TEK: variants seen among roughly 807,000 people sequenced by gnomAD.
TEK encodes the protein angiopoietin-1 receptor.
Under a neutral mutation model 131.8 loss-of-function variants are expected in TEK, and 43 were observed. The observed-to-expected ratio is 0.33, with a 90% CI of 0.26 to 0.42. The LOEUF (loss-of-function observed/expected upper bound fraction) is 0.42. TEK is among the 10% of genes least tolerant of loss of function. The probability of loss-of-function intolerance (pLI) is 1.00; values close to 1 mark genes in which losing one functional copy is unlikely to be tolerated. For synonymous variants in TEK, 580 were observed against 491.6 expected (o/e 1.18, Z -2.38); for missense variants, 1,162 against 1,384.4 (o/e 0.84, Z 2.55).
intron 2 of TEK, among the ~76,000 whole-genome samples, chr9:27,166,473 T>C (rs1823734410): frequency 6.6e-6 from 1 of 152,232 alleles, no homozygotes; most frequent in African/African-American, 2.4e-5. Context: ...ATTCTGTTGT[T>C]AGATGCATAT....
intron 1 of TEK, among the ~76,000 whole-genome samples, chr9:27,157,040 G>A (rs1350257720): frequency 6.6e-6 from 1 of 152,208 alleles, no homozygotes; most frequent in African/African-American, 2.4e-5. Flanking sequence ...AATAACATGA[G>A]AGGATTTTCT....
intron 20 of TEK, 135 bp downstream of exon 20, chr9:27,218,952 A>T (rs2131243133): frequency 1.1e-6 from 1 of 891,144 alleles, no homozygotes; most frequent in East Asian, 2.6e-5. Context: ...AAATAGAAAC[A>T]TAGTGTATTA....
In TEK at chr9:27,136,808, A is replaced by G. The variant is rs528793002; in HGVS notation, c.53-21023A>G. Among the ~76,000 whole-genome samples the G allele has an allele frequency of 3.9e-5, 6 of 152,028 alleles. 1 individual carries two copies. The South Asian group carries it at 1.2e-3, about 32-fold the overall frequency. On this transcript the variant is annotated intron_variant, in intron 1 of 22. Coordinates refer to ENST00000380036, the MANE Select transcript of TEK (RefSeq NM_000459.5). ...TTTTGTGCCATCCATTGGAATTTCA[A>G]TTTGGATTATATTAAATTTATGAAT...
intron 1 of TEK, among the ~76,000 whole-genome samples, chr9:27,124,533 T>G (rs985336153): frequency 3.3e-5 from 5 of 152,250 alleles, no homozygotes; most frequent in African/African-American, 1.2e-4. Context: ...CCCAAAGTGA[T>G]GTGCCCAAAG....
chr9:27,225,408 C>A (rs1012072661), intron 21 of TEK, among the ~76,000 whole-genome samples: 1 of 152,152 alleles, frequency 6.6e-6, no homozygotes, highest in Non-Finnish European at 1.5e-5. Context: ...ACCAAAGGAA[C>A]AAGACAGAGG....
chr9:27,173,165 T>C (rs977797188), intron 5 of TEK, 57 bp from the exon 6 acceptor site: 9 of 1,603,206 alleles, frequency 5.6e-6, no homozygotes, highest in Non-Finnish European at 7.7e-6. Context: ...TAAAGAATTA[T>C]GTATTTCAAG....
At chr9:27,119,585 G>C (rs1321427900) in intron 1 of TEK, among the ~76,000 whole-genome samples, 1 of 152,142 alleles carries the variant, frequency 6.6e-6, no homozygotes, top group Non-Finnish European at 1.5e-5. Flanking sequence ...GGGTTCTTGG[G>C]CTTCTGCTAA....
chr9:27,135,853 G>A (rs1432710673), intron 1 of TEK, among the ~76,000 whole-genome samples: 1 of 152,116 alleles, frequency 6.6e-6, no homozygotes, highest in Non-Finnish European at 1.5e-5. Context: ...ACATCACCAT[G>A]ATGAAGGTGC....
At chr9:27,131,359 G>A (rs1439529348) in intron 1 of TEK, among the ~76,000 whole-genome samples, 1 of 151,342 alleles carries the variant, frequency 6.6e-6, no homozygotes, top group Non-Finnish European at 1.5e-5. Context: ...TGGTGCTGTA[G>A]TTCCAGCTAC....
intron 8 of TEK, 71 bp from the exon 9 acceptor site, chr9:27,185,414 G>A: frequency 6.4e-7 from 1 of 1,571,384 alleles, no homozygotes; most frequent in East Asian, 2.2e-5. Flanking sequence ...AATGAGATGG[G>A]GTCAATGTTA....
intron 1 of TEK, among the ~76,000 whole-genome samples, chr9:27,113,503 G>A (rs1387161945): frequency 6.6e-6 from 1 of 152,162 alleles, no homozygotes; most frequent in African/African-American, 2.4e-5. Flanking sequence ...CAGGAGGATC[G>A]CTTAAACCCA....
intron 21 of TEK, among the ~76,000 whole-genome samples, chr9:27,222,941 A>G (rs480469): frequency 0.85 from 130,009 of 152,138 alleles, 55,856 homozygotes; most frequent in East Asian, 1. Flanking sequence ...CCAAGCAAAT[A>G]GAAAGCAATA....
intron 12 of TEK, 93 bp from the exon 13 acceptor site, chr9:27,202,727 T>C (rs1825263481): frequency 3.6e-5 from 49 of 1,368,306 alleles, no homozygotes; most frequent in Non-Finnish European, 4.9e-5. Context: ...TTGTTTGCCT[T>C]ATATGAGCTG....
At chr9:27,211,047 G>C (rs530171436) in intron 16 of TEK, among the ~76,000 whole-genome samples, 1 of 151,792 alleles carries the variant, frequency 6.6e-6, no homozygotes, top group East Asian at 1.9e-4. Context: ...GCTTGAACCT[G>C]GGAGGCGGAG....
chr9:27,148,000 C>G (rs113190065), intron 1 of TEK, among the ~76,000 whole-genome samples: 2 of 152,308 alleles, frequency 1.3e-5, no homozygotes, highest in African/African-American at 4.8e-5. Context: ...GTCTCCTTTT[C>G]TGTTAAATGG....
At chr9:27,225,918 GCAAAGGATATGGA>G (rs1826305397) in intron 21 of TEK, among the ~76,000 whole-genome samples, 1 of 152,182 alleles carries the variant, frequency 6.6e-6, no homozygotes, top group African/African-American at 2.4e-5. Flanking sequence ...CAAAAAGTGG[GCAAAGGATATGGA>G]CAGACACTTC....
intron 2 of TEK, among the ~76,000 whole-genome samples, chr9:27,164,093 T>C (rs1823636378): frequency 6.6e-6 from 1 of 152,148 alleles, no homozygotes; most frequent in Non-Finnish European, 1.5e-5. Context: ...ACATAATCTA[T>C]GAAAGCATCC....
At chr9:27,130,193 G>A (rs1314726563) in intron 1 of TEK, among the ~76,000 whole-genome samples, 1 of 152,126 alleles carries the variant, frequency 6.6e-6, no homozygotes, top group East Asian at 1.9e-4. Context: ...TACAGTTCCA[G>A]GAATTTGGAT....
intron 1 of TEK, among the ~76,000 whole-genome samples, chr9:27,149,442 A>T (rs1823045349): frequency 6.6e-6 from 1 of 151,780 alleles, no homozygotes; most frequent in Non-Finnish European, 1.5e-5. Flanking sequence ...TGTGTTTATT[A>T]TGTATTATAT....
Sources: allele counts gnomAD v4.1 joint callset (sites outside exome capture counted in the v4.1 genomes callset), GRCh38; gene constraint gnomAD v4.1.1; transcripts MANE v1.5; gene names NCBI Gene and HGNC (gene_info 2026-07-23, HGNC 2026-07-21).